The following CNTN5 variants were observed in gnomAD, a reference collection of about 807,000 sequenced individuals.
CNTN5 encodes contactin-5.
CNTN5 carries 77 observed loss-of-function variants against 129.1 expected under a neutral mutation model. That is an observed-to-expected ratio of 0.60 (90% CI 0.50 to 0.72). CNTN5 has a LOEUF of 0.72. Ranked by LOEUF, CNTN5 falls within the 30% of genes least tolerant of loss-of-function variation. CNTN5 has a pLI of 0.00. For synonymous variants in CNTN5, 509 were observed against 465.6 expected (o/e 1.09, Z -1.20); for missense variants, 1,478 against 1,328.8 (o/e 1.11, Z -1.75).
intron 15 of CNTN5, among the ~76,000 whole-genome samples, chr11:100,213,410 C>A (rs114105521): frequency 1.3e-5 from 2 of 152,132 alleles, no homozygotes; most frequent in Non-Finnish European, 2.9e-5. Context: ...CTGTATTATA[C>A]AGTTAGAGAA....
intron 2 of CNTN5, among the ~76,000 whole-genome samples, chr11:99,530,079 T>C (rs1947636842): frequency 1.3e-5 from 2 of 152,312 alleles, no homozygotes; most frequent in South Asian, 2.1e-4. Context: ...AACTTTGCAA[T>C]GTGTTGTGAT....
chr11:99,764,058 A>C (rs1944673536), intron 3 of CNTN5, among the ~76,000 whole-genome samples: 1 of 152,150 alleles, frequency 6.6e-6, no homozygotes, highest in Admixed American at 6.6e-5. Context: ...TATCATTAGC[A>C]ATTATTTACA....
intron 7 of CNTN5, among the ~76,000 whole-genome samples, chr11:99,932,936 T>C (rs553348275): frequency 6.0e-4 from 91 of 152,348 alleles, no homozygotes; most frequent in African/African-American, 2.2e-3. Context: ...TATGACATCT[T>C]ATTTTTCCTA....
At chr11:100,346,325 C>T (rs1952278429) in intron 23 of CNTN5, among the ~76,000 whole-genome samples, 4 of 151,984 alleles carry the variant, frequency 2.6e-5, no homozygotes, top group Admixed American at 2.6e-4. Context: ...TATATTCAGC[C>T]ATAATTTTTA....
chr11:99,061,406 G>A (rs906759311), intron 1 of CNTN5, among the ~76,000 whole-genome samples: 5 of 151,926 alleles, frequency 3.3e-5, no homozygotes, highest in South Asian at 4.1e-4. Context: ...ATCTGATTCC[G>A]CCCAACTGAG....
intron 3 of CNTN5, among the ~76,000 whole-genome samples, chr11:99,676,114 GTTAA>G (rs1953271886): frequency 6.6e-6 from 1 of 151,998 alleles, no homozygotes; most frequent in African/African-American, 2.4e-5. Flanking sequence ...GTAATAAATA[GTTAA>G]TTATTACTTG....
chr11:99,317,325 T>C (rs930018234), intron 1 of CNTN5, among the ~76,000 whole-genome samples: 7 of 152,166 alleles, frequency 4.6e-5, no homozygotes, highest in Admixed American at 1.3e-4. Flanking sequence ...AAAAGGACTA[T>C]AGGAGAAAAT....
chr11:99,707,597 G>A (rs1353066572), intron 3 of CNTN5, among the ~76,000 whole-genome samples: 2 of 151,650 alleles, frequency 1.3e-5, no homozygotes, highest in African/African-American at 4.8e-5. Context: ...TAGCCACATA[G>A]TCTCATTGTT....
chr11:100,208,591 G>A (rs569180457), intron 15 of CNTN5, among the ~76,000 whole-genome samples: 1 of 152,180 alleles, frequency 6.6e-6, no homozygotes, highest in African/African-American at 2.4e-5. Context: ...AGATTTAAAG[G>A]GTAAGGAAAT....
Position 99,356,423 on chromosome 11 carries a change from T to G in CNTN5, c.-71+30939T>G, listed in dbSNP as rs1222366278. Among the ~76,000 whole-genome samples, 5 of 152,236 alleles carry G rather than the reference T, an allele frequency of 3.3e-5. No individual in the cohort carries two copies. In the East Asian group the frequency reaches 9.6e-4, roughly 29 times the overall value. On this transcript the variant is annotated intron_variant, in intron 2 of 24. Transcript: ENST00000524871. ...AGAAAGTTGGCATGGAAAGGCTTAT[T>G]TATACAGTATGTACAGGATTGCTCA...
At chr11:99,437,618 A>G (rs1439962505) in intron 2 of CNTN5, among the ~76,000 whole-genome samples, 3 of 152,118 alleles carry the variant, frequency 2.0e-5, no homozygotes, top group African/African-American at 7.2e-5. Context: ...ACCTGAGGTC[A>G]GGAGTTTGAG....
chr11:100,305,285 T>C (rs991066415), intron 20 of CNTN5, among the ~76,000 whole-genome samples: 41 of 151,622 alleles, frequency 2.7e-4, no homozygotes, highest in Admixed American at 2.5e-3. Flanking sequence ...CCAAAGCACA[T>C]AGGAGTGAGG....
intron 12 of CNTN5, among the ~76,000 whole-genome samples, chr11:100,073,730 A>G (rs1265833597): frequency 6.6e-6 from 1 of 152,124 alleles, no homozygotes; most frequent in Admixed American, 6.6e-5. Context: ...TACAGAATAA[A>G]TTAAGATTCG....
chr11:99,685,335 G>A (rs1231178418), intron 3 of CNTN5, among the ~76,000 whole-genome samples: 1 of 151,778 alleles, frequency 6.6e-6, no homozygotes, highest in African/African-American at 2.4e-5. Flanking sequence ...AAAATAATGT[G>A]TACCATAGTT....
chr11:100,142,316 G>A lies in CNTN5; in HGVS notation c.1581-48810G>A, dbSNP rs185153984. 3.6e-3 allele frequency among the ~76,000 whole-genome samples: 548 copies of A among 152,100 alleles called. 3 individuals carry two copies. The highest frequency in any genetic ancestry group is 5.8e-3 in the Non-Finnish European group (391 of 67,992). Reference sequence around the variant, plus strand: ...TCCCTCTCACACTTCTATGTTATCCGTCTGTCTGTCTGTCTGCCTATCTGT... The same window carrying A: ...TCCCTCTCACACTTCTATGTTATCCATCTGTCTGTCTGTCTGCCTATCTGT... On this transcript the variant is annotated intron_variant, in intron 13 of 24. Coordinates refer to ENST00000524871, the MANE Select transcript of CNTN5 (RefSeq NM_014361.4).
chr11:99,814,902 A>T (rs1323127044), intron 3 of CNTN5, among the ~76,000 whole-genome samples: 2 of 152,120 alleles, frequency 1.3e-5, no homozygotes, highest in African/African-American at 4.8e-5. Context: ...TACAATCATG[A>T]TGGAAGGCAA....
chr11:100,356,383 TC>T lies in CNTN5; in HGVS notation c.*165del. On this transcript the variant is annotated 3_prime_UTR_variant, in exon 25 of 25. Coordinates refer to ENST00000524871, the MANE Select transcript of CNTN5 (RefSeq NM_014361.4). ...GAGGTTAGGGGGGAAATATTACTTA[TC>T]CATCAGGTTTCTCTTTGGTTTTTGT... is the stretch of plus-strand genomic sequence containing the variant. 1 of 602,990 alleles carries T rather than the reference TC, an allele frequency of 1.7e-6. No individual in the cohort carries two copies. Among genetic ancestry groups the T allele is most frequent in the Non-Finnish European group, 3.0e-6 (1 of 337,760 alleles). The allele number at this position is 602,990 out of a possible 1,614,324, so 37.4% of individuals were successfully genotyped here.
rs554380591 is a variant in CNTN5, at chr11:99,967,645, G to A, written c.877+10636G>A. On this transcript the variant is annotated intron_variant, in intron 8 of 24. Transcript: ENST00000524871. ...GGAGGGTAATGTATGAGGCGCTTGC[G>A]TTCCACAAAACAGCAGAATTTATTG... is the stretch of plus-strand genomic sequence containing the variant. Among the ~76,000 whole-genome samples the A allele has an allele frequency of 1.9e-4, 29 of 152,150 alleles. No individual in the cohort carries two copies. The East Asian group carries it at 4.8e-3, about 25-fold the overall frequency.
chr11:100,175,651 C>T (rs1947943572), intron 13 of CNTN5, among the ~76,000 whole-genome samples: 1 of 152,162 alleles, frequency 6.6e-6, no homozygotes, highest in South Asian at 2.1e-4. Flanking sequence ...ATCAAAGAGC[C>T]TGGTTGAAAT....
Sources: allele counts gnomAD v4.1 joint callset (sites outside exome capture counted in the v4.1 genomes callset), GRCh38; gene constraint gnomAD v4.1.1; transcripts MANE v1.5; gene names NCBI Gene and HGNC (gene_info 2026-07-23, HGNC 2026-07-21).